The following ANK3 variants were observed in gnomAD, a reference collection of about 807,000 sequenced individuals.
ANK3 encodes the protein ankyrin 3.
Under a neutral mutation model 370.9 loss-of-function variants are expected in ANK3, and 57 were observed. The ratio of observed to expected loss-of-function variants is 0.15; its 90% CI spans 0.12 to 0.19. ANK3 has a LOEUF of 0.19. ANK3 is among the 10% of genes least tolerant of loss of function. The pLI is 1.00. For synonymous variants in ANK3, 1,929 were observed against 1,946.3 expected (o/e 0.99, Z 0.23); for missense variants, 4,439 against 5,302.1 (o/e 0.84, Z 5.06).
intron 1 of ANK3, among the ~76,000 whole-genome samples, chr10:60,657,849 T>C (rs2078885393): frequency 6.6e-6 from 1 of 151,262 alleles, no homozygotes; most frequent in African/African-American, 2.4e-5. Flanking sequence ...ATTATATCTA[T>C]TTATTCCTTT....
At chr10:60,643,493 C>T (rs1318133863) in intron 1 of ANK3, among the ~76,000 whole-genome samples, 2 of 128,264 alleles carry the variant, frequency 1.6e-5, no homozygotes, top group Non-Finnish European at 3.5e-5. Context: ...TTAATAAACT[C>T]CCCTTTATAT....
intron 23 of ANK3, among the ~76,000 whole-genome samples, chr10:60,147,760 C>G (rs2094905305): frequency 1.3e-5 from 2 of 152,170 alleles, no homozygotes; most frequent in African/African-American, 4.8e-5. Context: ...CTTTGCCTTC[C>G]CCTATGATTG....
rs895144786 is a variant in ANK3 at position 60,582,882 on chromosome 10, T to C, written c.96+32304A>G. Reference sequence around the variant, plus strand: ...AATAGCAAAAGATAACAAGTGTTAGTGAAAATGTGGAGAAAAGATTGCTGG... The same window carrying C: ...AATAGCAAAAGATAACAAGTGTTAGCGAAAATGTGGAGAAAAGATTGCTGG... On this transcript the variant is annotated intron_variant, in intron 2 of 43. Transcript: ENST00000373827. 2.0e-5 allele frequency among the ~76,000 whole-genome samples: 3 copies of C among 152,094 alleles called. No homozygotes were observed. The East Asian group carries it at 5.8e-4, about 29-fold the overall frequency.
Position 60,663,425 on chromosome 10 carries a change from A to G in ANK3, c.58-48201T>C, listed in dbSNP as rs115571197. On this transcript the variant is annotated intron_variant, in intron 1 of 43. Coordinates refer to the ANK3 transcript ENST00000373827. ...TGTTACAAGGCTCAGCTGAAAGGAG[A>G]TAACATTAAACCACAGTGAGTCAGC... is the stretch of plus-strand genomic sequence containing the variant. Among the ~76,000 whole-genome samples the G allele has an allele frequency of 1.8e-3, 281 of 152,266 alleles. 1 individual carries two copies. Among genetic ancestry groups the G allele is most frequent in the African/African-American group, 6.6e-3 (273 of 41,552 alleles).
Position 60,068,786 on chromosome 10 carries a change from G to A in ANK3, c.12095C>T (p.Thr4032Ile), listed in dbSNP as rs749325930. 1.4e-5 allele frequency: 22 copies of A among 1,614,150 alleles called. No individual in the cohort carries two copies. The highest frequency in any genetic ancestry group is 1.8e-5 in the Non-Finnish European group (21 of 1,180,018). ...CTCGGACAACGACGTGTTTCTTGAG[G>A]TACTTTCTTCCTCATCGGACAACTC... is the stretch of plus-strand genomic sequence containing the variant. Reference protein sequence around the residue: ...QSELSDEEESTSRNTSLSETS... With the variant: ...QSELSDEEESISRNTSLSETS... Residue 4032 changes from threonine (T) to isoleucine (I), a missense_variant, in exon 37 of 44, where the codon ACC (threonine) becomes ATC (isoleucine). Physicochemically the swap from Thr to Ile is moderately conservative, Grantham distance 89. Coordinates refer to ENST00000280772, the MANE Select transcript of ANK3 (RefSeq NM_020987.5).
At chr10:60,261,321 C>G (rs777888713) in intron 7 of ANK3, among the ~76,000 whole-genome samples, 10 of 152,180 alleles carry the variant, frequency 6.6e-5, no homozygotes, top group Non-Finnish European at 1.3e-4. Context: ...GGCCATATGA[C>G]ATTGTAATTC....
At chr10:60,486,978 C>G (rs1289829795) in intron 2 of ANK3, among the ~76,000 whole-genome samples, 1 of 152,050 alleles carries the variant, frequency 6.6e-6, no homozygotes, top group Non-Finnish European at 1.5e-5. Context: ...GCTATTTATG[C>G]ACAATGCTGA....
intron 42 of ANK3, 106 bp downstream of exon 42, chr10:60,055,552 G>A: frequency 7.2e-7 from 1 of 1,385,930 alleles, no homozygotes; most frequent in Non-Finnish European, 9.7e-7. Context: ...TTATAATTTA[G>A]AAATCGTAAA....
chr10:60,358,192 T>G (rs1343041750), intron 1 of ANK3, among the ~76,000 whole-genome samples: 1 of 152,104 alleles, frequency 6.6e-6, no homozygotes, highest in East Asian at 1.9e-4. Context: ...GTCATTTATC[T>G]GCTGCATTTC....
intron 2 of ANK3, among the ~76,000 whole-genome samples, chr10:60,433,843 C>T (rs757150563): frequency 2.2e-4 from 33 of 152,166 alleles, no homozygotes; most frequent in Non-Finnish European, 3.8e-4. Context: ...AAATGCAGCT[C>T]GAATGAGTAG....
intron 7 of ANK3, among the ~76,000 whole-genome samples, chr10:60,242,557 C>T (rs1327249922): frequency 1.3e-5 from 2 of 152,118 alleles, no homozygotes; most frequent in Admixed American, 1.3e-4. Context: ...GTGGGAAGCA[C>T]ATTTCATCAG....
Position 60,689,174 on chromosome 10 carries a change from A to C in ANK3, c.57+44089T>G, listed in dbSNP as rs191582037. On this transcript the variant is annotated intron_variant, in intron 1 of 43. Transcript: ENST00000373827. ...TAGCACTTCGGGAGGCCAAGGCAGG[A>C]GGAGTGCTTGACCCCAGGAGTTTGA... 2.9e-3 allele frequency among the ~76,000 whole-genome samples: 446 copies of C among 152,270 alleles called. 3 individuals carry two copies. The highest frequency in any genetic ancestry group is 0.01 in the African/African-American group (424 of 41,588).
intron 2 of ANK3, among the ~76,000 whole-genome samples, chr10:60,514,481 A>G (rs1475245710): frequency 6.6e-6 from 1 of 152,018 alleles, no homozygotes; most frequent in Non-Finnish European, 1.5e-5. Context: ...CCTTTCTCAA[A>G]ATTACCTATT....
At chr10:60,093,749 G>T (rs1390921009) in intron 28 of ANK3, among the ~76,000 whole-genome samples, 1 of 152,182 alleles carries the variant, frequency 6.6e-6, no homozygotes, top group East Asian at 1.9e-4. Context: ...CAAATATAAA[G>T]TGAACATGTA....
At chr10:60,724,939 C>T (rs2079919957) in intron 1 of ANK3, among the ~76,000 whole-genome samples, 1 of 152,192 alleles carries the variant, frequency 6.6e-6, no homozygotes, top group South Asian at 2.1e-4. Context: ...GTTGAGTTAA[C>T]TATACTTCCC....
At chr10:60,320,600 A>G (rs1018193863) in intron 1 of ANK3, among the ~76,000 whole-genome samples, 6 of 152,130 alleles carry the variant, frequency 3.9e-5, no homozygotes, top group African/African-American at 1.4e-4. Context: ...CTCCATCTCA[A>G]AAACAAACAA....
chr10:60,537,281 A>G (rs1169519384), intron 2 of ANK3, among the ~76,000 whole-genome samples: 1 of 152,040 alleles, frequency 6.6e-6, no homozygotes, highest in Non-Finnish European at 1.5e-5. Flanking sequence ...AGATTTGGGG[A>G]GAAAATATAA....
chr10:60,053,642 TG>T lies in ANK3; in HGVS notation c.13065+2015del, dbSNP rs1375240508. The T allele has an allele frequency of 2.3e-6, 3 of 1,297,418 alleles. No homozygotes were observed. The South Asian group carries it at 3.8e-5, about 16-fold the overall frequency. The allele number at this position is 1,297,418 out of a possible 1,614,324, so 80.4% of individuals were successfully genotyped here. A position where few individuals can be genotyped will look rare whatever the true frequency, so the allele number is the denominator to read the frequency against. On this transcript the variant is annotated intron_variant, in intron 42 of 43. Coordinates refer to ENST00000280772, the MANE Select transcript of ANK3 (RefSeq NM_020987.5). ...CTCAGTACTCTTTGCCATGGGTTGC[TG>T]CATGGAAACAGGTGGAAAATAGCAG...
chr10:60,203,119 A>C lies in ANK3; in HGVS notation c.1294-19T>G, dbSNP rs755682650. On this transcript the variant is annotated intron_variant, in intron 11 of 43. Transcript: ENST00000280772. ...GGCCCGACTAAGGGGAAAAGAAGAA[A>C]ATGGTGGTTTGTTGGCTTAGCATAA... 1 of 1,591,132 alleles carries C rather than the reference A, an allele frequency of 6.3e-7. No homozygotes were observed. Among genetic ancestry groups the C allele is most frequent in the South Asian group, 1.1e-5 (1 of 89,666 alleles).
Sources: allele counts gnomAD v4.1 joint callset (sites outside exome capture counted in the v4.1 genomes callset), GRCh38; gene constraint gnomAD v4.1.1; transcripts MANE v1.5; gene names NCBI Gene and HGNC (gene_info 2026-07-23, HGNC 2026-07-21).